The following MRPS31 variants were observed in gnomAD, a reference collection of about 807,000 sequenced individuals.
MRPS31 encodes mitochondrial ribosomal protein S31.
In MRPS31, 32 loss-of-function variants were observed where a neutral mutation model predicts 43.1. The observed-to-expected ratio is 0.74, with a 90% CI of 0.56 to 1.00. The LOEUF is 1.00. Ranked by LOEUF, MRPS31 falls within the 50% of genes least tolerant of loss-of-function variation. MRPS31 has a pLI of 0.00. For missense variants in MRPS31, 437 were observed against 466.7 expected (o/e 0.94, Z 0.59); for synonymous variants, 165 against 161.6 (o/e 1.02, Z -0.16).
In MRPS31 at chr13:40,735,360, G is replaced by A. The variant is rs1236156722; in HGVS notation, c.959-5759C>T. Among the ~76,000 whole-genome samples the A allele has an allele frequency of 2.0e-5, 3 of 152,206 alleles. No individual in the cohort carries two copies. In the East Asian group the frequency reaches 5.8e-4, roughly 29 times the overall value. Reference sequence around the variant, plus strand: ...GCGGCAGTGAGGCTGCGGGAGGGGCGCCCACCATTGCCCAGGCTTGCTTAG... The same window carrying A: ...GCGGCAGTGAGGCTGCGGGAGGGGCACCCACCATTGCCCAGGCTTGCTTAG... On this transcript the variant is annotated intron_variant, in intron 6 of 6. Coordinates refer to ENST00000323563, the MANE Select transcript of MRPS31 (RefSeq NM_005830.4).
chr13:40,751,089 C>G (rs1038178419), intron 5 of MRPS31, among the ~76,000 whole-genome samples: 3 of 151,994 alleles, frequency 2.0e-5, no homozygotes, highest in Admixed American at 2.0e-4. Context: ...TTTCTATGAG[C>G]CTTTATGTGC....
intron 1 of MRPS31, among the ~76,000 whole-genome samples, chr13:40,767,442 T>C (rs1230002130): frequency 6.6e-6 from 1 of 152,236 alleles, no homozygotes; most frequent in East Asian, 1.9e-4. Context: ...ATACTACATG[T>C]CTCATCTTGT....
Position 40,771,018 on chromosome 13 carries a change from G to A in MRPS31, c.119C>T (p.Thr40Ile), listed in dbSNP as rs149961906. The change falls in exon 1 of 7, where the codon ACA becomes ATA. Residue 40 changes from threonine (T) to isoleucine (I), a missense_variant. Transcript: ENST00000323563. ...CAGCGCTGAACTGCGGTACCTGACT[G>A]TTCCGTGCCGAACAGTGAGTAGCAT... is the stretch of plus-strand genomic sequence containing the variant. ...AIMLLTVRHG[T>I]VRYRSSALLA... The A allele has an allele frequency of 6.2e-7, 1 of 1,614,180 alleles. No individual in the cohort carries two copies.
At chr13:40,743,251 G>A (rs1880151654) in intron 6 of MRPS31, among the ~76,000 whole-genome samples, 1 of 149,780 alleles carries the variant, frequency 6.7e-6, no homozygotes, top group African/African-American at 2.5e-5. Context: ...AGAAGCAGAG[G>A]TTACAGTGAG....
chr13:40,739,021 T>C (rs969799794), intron 6 of MRPS31, among the ~76,000 whole-genome samples: 15 of 152,314 alleles, frequency 9.8e-5, no homozygotes, highest in Admixed American at 2.0e-4. Flanking sequence ...GATGACATGA[T>C]TGTATATCTA....
At chr13:40,768,143 G>C (rs2138020522) in intron 1 of MRPS31, among the ~76,000 whole-genome samples, 1 of 152,210 alleles carries the variant, frequency 6.6e-6, no homozygotes, top group East Asian at 1.9e-4. Flanking sequence ...ATTTGTTTTG[G>C]TATTTGACTA....
chr13:40,736,645 G>T (rs1879918706), intron 6 of MRPS31, among the ~76,000 whole-genome samples: 1 of 150,652 alleles, frequency 6.6e-6, no homozygotes, highest in Admixed American at 6.7e-5. Context: ...TTAAAGAAAA[G>T]AATTTTCAAC....
intron 6 of MRPS31, among the ~76,000 whole-genome samples, chr13:40,730,416 T>C (rs1047929474): frequency 5.9e-5 from 9 of 151,962 alleles, no homozygotes; most frequent in Admixed American, 3.9e-4. Flanking sequence ...TCCCAGCTAC[T>C]TGGGAGGCTG....
At chr13:40,751,821 G>C (rs1252607387) in intron 5 of MRPS31, among the ~76,000 whole-genome samples, 1 of 152,096 alleles carries the variant, frequency 6.6e-6, no homozygotes, top group Non-Finnish European at 1.5e-5. Flanking sequence ...TATTAAAGTT[G>C]TGTGCTATTT....
At chr13:40,737,443 T>C (rs1449555876) in intron 6 of MRPS31, among the ~76,000 whole-genome samples, 1 of 151,946 alleles carries the variant, frequency 6.6e-6, no homozygotes, top group Non-Finnish European at 1.5e-5. Context: ...CTAATAGACA[T>C]CTACAAAACT....
At chr13:40,770,009 G>A (rs976792496) in intron 1 of MRPS31, among the ~76,000 whole-genome samples, 2 of 152,034 alleles carry the variant, frequency 1.3e-5, no homozygotes, top group Admixed American at 6.6e-5. Context: ...ACATAAACAG[G>A]TATTTGTTGT....
At position 40,771,033 on chromosome 13, in the gene MRPS31, G is replaced by C; in HGVS notation, c.104C>G (p.Thr35Ser). ...GTACCTGACTGTTCCGTGCCGAACAGTGAGTAGCATAATCGCAGCCGCTGA... is the reference window on the plus strand; with the variant it reads ...GTACCTGACTGTTCCGTGCCGAACACTGAGTAGCATAATCGCAGCCGCTGA... ...ETSAAAIMLL[T>S]VRHGTVRYRS... The change falls in exon 1 of 7, where the codon ACT (threonine) becomes AGT (serine). Residue 35 changes from threonine to serine, a missense_variant. Coordinates refer to ENST00000323563, the MANE Select transcript of MRPS31 (RefSeq NM_005830.4). 6.2e-7 allele frequency: 1 copy of C among 1,614,212 alleles called. No homozygotes were observed. The highest frequency in any genetic ancestry group is 8.5e-7 in the Non-Finnish European group (1 of 1,180,028).
chr13:40,747,484 C>T (rs1210901799), intron 6 of MRPS31, among the ~76,000 whole-genome samples: 3 of 152,136 alleles, frequency 2.0e-5, no homozygotes, highest in Admixed American at 6.6e-5. Context: ...GGTCTTTTTA[C>T]GTTACCCTGA....
At chr13:40,769,819 C>T (rs9566578) in intron 1 of MRPS31, among the ~76,000 whole-genome samples, 1 of 152,134 alleles carries the variant, frequency 6.6e-6, no homozygotes, top group Admixed American at 6.5e-5. Flanking sequence ...AAAATCACGT[C>T]TAAGTAACTC....
At chr13:40,741,425 ACAGT>A (rs1880087391) in intron 6 of MRPS31, among the ~76,000 whole-genome samples, 1 of 152,230 alleles carries the variant, frequency 6.6e-6, no homozygotes, top group Admixed American at 6.5e-5. Flanking sequence ...CCCAACAGAA[ACAGT>A]CAAAGGATGT....
intron 6 of MRPS31, among the ~76,000 whole-genome samples, chr13:40,731,961 C>T (rs1245665636): frequency 6.6e-6 from 1 of 150,898 alleles, no homozygotes; most frequent in African/African-American, 2.4e-5. Context: ...GGTACTGGCA[C>T]ATATAATGCA....
chr13:40,769,547 A>G (rs1311900643), intron 1 of MRPS31, among the ~76,000 whole-genome samples: 1 of 151,596 alleles, frequency 6.6e-6, no homozygotes, highest in Non-Finnish European at 1.5e-5. Context: ...GAGGCTATCA[A>G]ATCAGGCACT....
intron 6 of MRPS31, among the ~76,000 whole-genome samples, chr13:40,732,021 A>G (rs1879715070): frequency 6.6e-6 from 1 of 152,258 alleles, no homozygotes; most frequent in Non-Finnish European, 1.5e-5. Context: ...TACAAAAATA[A>G]GTTCTAGATA....
intron 2 of MRPS31, among the ~76,000 whole-genome samples, chr13:40,762,448 CCT>C (rs1880724049): frequency 2.2e-5 from 3 of 139,500 alleles, no homozygotes; most frequent in East Asian, 2.5e-4. Flanking sequence ...TCTCCAGCCC[CCT>C]CATTCTTTTT....
Sources: allele counts gnomAD v4.1 joint callset (sites outside exome capture counted in the v4.1 genomes callset), GRCh38; gene constraint gnomAD v4.1.1; transcripts MANE v1.5; gene names NCBI Gene and HGNC (gene_info 2026-07-23, HGNC 2026-07-21).